The following ZBTB4 variants were observed in gnomAD, a reference collection of about 807,000 sequenced individuals.
The protein encoded by ZBTB4 is zinc finger and BTB domain-containing protein 4.
ZBTB4 carries 14 observed loss-of-function variants against 59.8 expected under a neutral mutation model. That is an observed-to-expected ratio of 0.23 (90% confidence interval 0.15 to 0.37). The LOEUF (loss-of-function observed/expected upper bound fraction) is 0.37, where lower values mean the gene tolerates loss of function less well. Ranked by LOEUF, ZBTB4 falls within the 10% of genes least tolerant of loss-of-function variation. The probability of loss-of-function intolerance (pLI) is 1.00; values close to 1 mark genes in which losing one functional copy is unlikely to be tolerated. For synonymous variants in ZBTB4, 587 were observed against 575.2 expected (o/e 1.02, Z -0.29); for missense variants, 1,198 against 1,380.8 (o/e 0.87, Z 2.10).
chr17:7,463,815 G>A lies in ZBTB4; in HGVS notation c.1167C>T (p.Gly389=), dbSNP rs758628075. ...NLKTHQRAFH[G]ISPGLLASEK... is the part of the protein sequence containing the mutation. ...CACTGGCAAGGAGGCCCGGGCTAAT[G>A]CCGTGGAAGGCTCGCTGGTGGGTCT... The change falls in exon 4 of 4, where the codon GGC becomes GGT. Residue 389 remains glycine, a synonymous_variant. Coordinates refer to ENST00000380599, the MANE Select transcript of ZBTB4 (RefSeq NM_001128833.2). The A allele has an allele frequency of 6.8e-6, 11 of 1,614,050 alleles. 2 individuals carry two copies. The South Asian group carries it at 1.2e-4, about 18-fold the overall frequency.
chr17:7,467,880 G>T (rs1385834671), intron 1 of ZBTB4, among the ~76,000 whole-genome samples: 3 of 152,234 alleles, frequency 2.0e-5, no homozygotes, highest in Admixed American at 6.5e-5. Context: ...TGGCGCAGCT[G>T]CCAGGCAACC....
chr17:7,472,974 G>A (rs2070219503), intron 1 of ZBTB4, among the ~76,000 whole-genome samples: 1 of 147,314 alleles, frequency 6.8e-6, no homozygotes, highest in Non-Finnish European at 1.5e-5. Flanking sequence ...TTGCGGCGGG[G>A]GACAGAGTCT....
At chr17:7,478,994 C>T (rs550815297) in intron 1 of ZBTB4, among the ~76,000 whole-genome samples, 212 of 152,100 alleles carry the variant, frequency 1.4e-3, no homozygotes, top group African/African-American at 4.9e-3. Context: ...GCGCACCCCG[C>T]ACACCCCAAC....
At chr17:7,470,315 T>G (rs994660449) in intron 1 of ZBTB4, among the ~76,000 whole-genome samples, 2 of 151,930 alleles carry the variant, frequency 1.3e-5, no homozygotes, top group African/African-American at 4.8e-5. Flanking sequence ...GGAGCATCCC[T>G]TAAGCCCAGG....
chr17:7,481,874 T>C (rs1298459683), upstream of ZBTB4: 3 of 1,402,670 alleles, frequency 2.1e-6, no homozygotes, highest in African/African-American at 2.9e-5. Context: ...CTCAGCAAGA[T>C]AGCCCAACAC....
At chr17:7,467,850 A>G (rs2070148727) in intron 1 of ZBTB4, among the ~76,000 whole-genome samples, 1 of 152,198 alleles carries the variant, frequency 6.6e-6, no homozygotes, top group African/African-American at 2.4e-5. Flanking sequence ...CCAGCCCCAT[A>G]AATCTTAGAA....
chr17:7,465,072 C>T (rs1412815015), intron 3 of ZBTB4, among the ~76,000 whole-genome samples: 7 of 146,718 alleles, frequency 4.8e-5, no homozygotes, highest in South Asian at 2.2e-4. Context: ...AGGAGAATGG[C>T]GTGAACCTGG....
chr17:7,481,450 C>A (rs762106362), upstream of ZBTB4: 204 of 1,414,278 alleles, frequency 1.4e-4, no homozygotes, highest in Middle Eastern at 2.3e-4. Flanking sequence ...AACCATGTCA[C>A]AATGGCTGGA....
At chr17:7,483,811 TC>T, upstream of ZBTB4, among the ~76,000 whole-genome samples, 1 of 152,282 alleles carries the variant, frequency 6.6e-6, no homozygotes, top group Non-Finnish European at 1.5e-5. Context: ...GGATCATGGC[TC>T]GGTACAGCGC....
chr17:7,478,222 T>C lies in ZBTB4; in HGVS notation c.-81+1234A>G, dbSNP rs1290333970. 3.3e-5 allele frequency among the ~76,000 whole-genome samples: 5 copies of C among 152,154 alleles called. No homozygotes were observed. The East Asian group carries it at 9.6e-4, about 29-fold the overall frequency. ...TACAAACAACGTCACAAAAGAATCC[T>C]GTGGAGAATGTTGCAAACACACAAC... On this transcript the variant is annotated intron_variant, in intron 1 of 3. Coordinates refer to ENST00000380599, the MANE Select transcript of ZBTB4 (RefSeq NM_001128833.2).
chr17:7,482,788 A>G, upstream of ZBTB4: 2 of 1,611,938 alleles, frequency 1.2e-6, no homozygotes, highest in Non-Finnish European at 8.5e-7. Flanking sequence ...TCTCCTTCAC[A>G]TGTGTGAGCT....
chr17:7,471,029 T>C (rs2070190901), intron 1 of ZBTB4, among the ~76,000 whole-genome samples: 1 of 152,046 alleles, frequency 6.6e-6, no homozygotes, highest in South Asian at 2.1e-4. Flanking sequence ...CAACCATATG[T>C]GGTGGGCTAT....
intron 1 of ZBTB4, among the ~76,000 whole-genome samples, chr17:7,472,955 CTTTT>C (rs983778907): frequency 6.9e-6 from 1 of 144,242 alleles, no homozygotes; most frequent in Admixed American, 7.0e-5. Context: ...AACTGCTTCT[CTTTT>C]TTTTTTGCGG....
At chr17:7,464,837 TA>T (rs1171627240) in intron 3 of ZBTB4, among the ~76,000 whole-genome samples, 141 of 96,032 alleles carry the variant, frequency 1.5e-3, no homozygotes, top group Admixed American at 2.0e-3. Context: ...GACTCGGTCT[TA>T]AAAAAAAAAA....
rs1437370323 is a variant in ZBTB4, at chr17:7,460,207, T to C, written c.*1733A>G. 3 of 152,602 alleles carry C rather than the reference T, an allele frequency of 2.0e-5. No homozygotes were observed. Among genetic ancestry groups the C allele is most frequent in the Non-Finnish European group, 4.4e-5 (3 of 68,040 alleles). The allele number at this position is 152,602 out of a possible 1,614,324, so 9.5% of individuals were successfully genotyped here. A position where few individuals can be genotyped will look rare whatever the true frequency, so the allele number is the denominator to read the frequency against. On this transcript the variant is annotated 3_prime_UTR_variant, in exon 4 of 4. Coordinates refer to ENST00000380599, the MANE Select transcript of ZBTB4 (RefSeq NM_001128833.2). Reference sequence around the variant, plus strand: ...AGTAGGAAATTCGTCACTCAGGCTGTGGCCAAGACCAAGAAAAGTGCAAAG... The same window carrying C: ...AGTAGGAAATTCGTCACTCAGGCTGCGGCCAAGACCAAGAAAAGTGCAAAG...
In ZBTB4 at chr17:7,462,245, C is replaced by T. The variant is rs947678049; in HGVS notation, c.2737G>A (p.Ala913Thr). The T allele has an allele frequency of 3.7e-6, 6 of 1,613,688 alleles. No individual in the cohort carries two copies. Among genetic ancestry groups the T allele is most frequent in the African/African-American group, 1.3e-5 (1 of 74,960 alleles). ...EGDRMEGIGA[A>T]KVTFYPEPYP... Reference sequence around the variant, plus strand: ...GGCTCAGGGTAGAAAGTGACTTTGGCAGCCCCTATCCCCTCCATCCGGTCC... The same window carrying T: ...GGCTCAGGGTAGAAAGTGACTTTGGTAGCCCCTATCCCCTCCATCCGGTCC... Residue 913 changes from alanine to threonine, a missense_variant, in exon 4 of 4, where the codon GCC becomes ACC. By Grantham distance (58) the Ala-to-Thr change is moderately conservative. This residue lies in a region of ZBTB4 where 211 missense variants were observed against 236.1 expected (regional missense o/e 0.89). Coordinates refer to ENST00000380599, the MANE Select transcript of ZBTB4 (RefSeq NM_001128833.2). The surrounding 1 kb of genome is among the most constrained non-coding windows in gnomAD (Gnocchi z 7.5).
chr17:7,475,644 G>A (rs1425963172), intron 1 of ZBTB4, among the ~76,000 whole-genome samples: 2 of 152,060 alleles, frequency 1.3e-5, no homozygotes, highest in Non-Finnish European at 2.9e-5. Flanking sequence ...CTCCATGTTG[G>A]CCAGGCTGGT....
chr17:7,467,351 C>T, intron 1 of ZBTB4, 24 bp from the exon 2 acceptor site: 1 of 727,304 alleles, frequency 1.4e-6, no homozygotes, highest in Non-Finnish European at 1.7e-6. Flanking sequence ...GAAATTATGT[C>T]AGGGGAACCT....
chr17:7,476,388 C>T (rs1362363286), intron 1 of ZBTB4, among the ~76,000 whole-genome samples: 1 of 152,148 alleles, frequency 6.6e-6, no homozygotes, highest in African/African-American at 2.4e-5. Flanking sequence ...TGGCAGATAC[C>T]CATAGTCCCA....
Sources: gnomAD v4.1 joint callset for allele counts (sites outside exome capture counted in the v4.1 genomes callset) on GRCh38, gnomAD v4.1.1 for gene constraint, gnomAD v4.1.1 regional missense constraint, Gnocchi (gnomAD v3.1) non-coding constraint, MANE v1.5 for transcripts, NCBI Gene and HGNC (gene_info 2026-07-23, HGNC 2026-07-21) for gene names.